ZNF568: variants seen among roughly 807,000 people sequenced by gnomAD.
ZNF568 encodes the protein p53 inhibitor of SCO2 activation.
A neutral mutation model predicts 18.1 loss-of-function variants in ZNF568; 11 were observed. The ratio of observed to expected loss-of-function variants is 0.61; its 90% CI spans 0.38 to 1.00. The LOEUF (loss-of-function observed/expected upper bound fraction) is 1.00, where lower values mean the gene tolerates loss of function less well. ZNF568 is among the 50% of genes least tolerant of loss of function. ZNF568 has a pLI of 0.01. For synonymous variants in ZNF568, 213 were observed against 246.6 expected (o/e 0.86, Z 1.28); for missense variants, 639 against 768.2 (o/e 0.83, Z 1.99).
At chr19:36,978,521 C>T (rs16971873) in intron 7 of ZNF568, among the ~76,000 whole-genome samples, 50,909 of 151,902 alleles carry the variant, frequency 0.34, 8,757 homozygotes, top group Non-Finnish European at 0.36. Context: ...AATTCTGTTC[C>T]TTTTCTAAGT....
At chr19:36,948,590 A>G (rs2074002358) in intron 6 of ZNF568, among the ~76,000 whole-genome samples, 1 of 148,910 alleles carries the variant, frequency 6.7e-6, no homozygotes, top group African/African-American at 2.5e-5. Flanking sequence ...AATGAGTGAG[A>G]GGTCCTATTG....
At chr19:36,984,783 A>G (rs2074361832), downstream of ZNF568, among the ~76,000 whole-genome samples, 1 of 151,714 alleles carries the variant, frequency 6.6e-6, no homozygotes, top group East Asian at 1.9e-4. Context: ...CATTTTTGTT[A>G]TTAAATAGTC....
chr19:36,971,678 A>C (rs1404910075), intron 6 of ZNF568, among the ~76,000 whole-genome samples: 1 of 152,124 alleles, frequency 6.6e-6, no homozygotes, highest in Non-Finnish European at 1.5e-5. Flanking sequence ...AGCTGGGACT[A>C]CAGGTGCACA....
Position 36,949,733 on chromosome 19 carries a change from T to G in ZNF568, c.580T>G (p.Tyr194Asp). 1 of 1,613,998 alleles carries G rather than the reference T, an allele frequency of 6.2e-7. No individual in the cohort carries two copies. The highest frequency in any genetic ancestry group is 8.5e-7 in the Non-Finnish European group (1 of 1,179,902). ...GGAACATAATTTAGACTTACTTAGA[T>G]ATGAGAAAGGCTGTGTAAGAGAGAA... Reference protein sequence around the residue: ...GLEHNLDLLRYEKGCVREKQS... With the variant: ...GLEHNLDLLRDEKGCVREKQS... Residue 194 changes from tyrosine (Y) to aspartate (D), a missense_variant, in exon 7 of 7, where the codon TAT becomes GAT. Tyr to Asp is a radical substitution (Grantham distance 160). Transcript: ENST00000333987.
chr19:36,951,223 A>T lies in ZNF568; in HGVS notation c.*135A>T, dbSNP rs2074055566. On this transcript the variant is annotated 3_prime_UTR_variant, in exon 7 of 7. Coordinates refer to ENST00000333987, the MANE Select transcript of ZNF568 (RefSeq NM_198539.4). ...GTAAGACTGGAATAAATGGAAAGAA[A>T]TACCATATACATAGATGGAAAAACC... is the stretch of plus-strand genomic sequence containing the variant. 1 of 815,870 alleles carries T rather than the reference A, an allele frequency of 1.2e-6. No homozygotes were observed. The highest frequency in any genetic ancestry group is 1.7e-6 in the Non-Finnish European group (1 of 578,070). The allele number at this position is 815,870 out of a possible 1,614,324, so 50.5% of individuals were successfully genotyped here. A position where few individuals can be genotyped will look rare whatever the true frequency, so the allele number is the denominator to read the frequency against.
chr19:36,939,775 G>A (rs544333711), intron 6 of ZNF568, among the ~76,000 whole-genome samples: 2 of 152,046 alleles, frequency 1.3e-5, no homozygotes, highest in East Asian at 1.9e-4. Context: ...TCCTGACCTC[G>A]TGATCCGCCC....
At chr19:36,948,963 T>C (rs1231428660) in intron 6 of ZNF568, among the ~76,000 whole-genome samples, 1 of 152,180 alleles carries the variant, frequency 6.6e-6, no homozygotes, top group Non-Finnish European at 1.5e-5. Context: ...TTCATGATAC[T>C]TTGTAGCTTT....
intron 4 of ZNF568, among the ~76,000 whole-genome samples, chr19:36,995,250 T>C (rs910541884): frequency 6.6e-6 from 1 of 152,022 alleles, no homozygotes; most frequent in Admixed American, 6.6e-5. Context: ...ATACAAAAAA[T>C]TAGCCAAGCA....
intron 7 of ZNF568, among the ~76,000 whole-genome samples, chr19:36,977,943 A>G (rs1229947001): frequency 1.3e-5 from 2 of 152,096 alleles, no homozygotes; most frequent in African/African-American, 4.8e-5. Flanking sequence ...CCCAGCTCCT[A>G]CCTTCTGGTC....
chr19:36,978,207 A>G (rs192578445), intron 7 of ZNF568, among the ~76,000 whole-genome samples: 1 of 152,328 alleles, frequency 6.6e-6, no homozygotes, highest in African/African-American at 2.4e-5. Flanking sequence ...TTCATTGCAT[A>G]TTTACTAAAA....
At chr19:36,960,277 C>G (rs1276127217) in intron 6 of ZNF568, among the ~76,000 whole-genome samples, 3 of 151,236 alleles carry the variant, frequency 2.0e-5, no homozygotes, top group Non-Finnish European at 4.4e-5. Context: ...ACCACCATGC[C>G]CAGCTAATGT....
At chr19:36,959,880 G>C (rs1003936779) in intron 6 of ZNF568, among the ~76,000 whole-genome samples, 9 of 151,610 alleles carry the variant, frequency 5.9e-5, no homozygotes, top group African/African-American at 2.2e-4. Context: ...TGCTTATTTG[G>C]GTATTCTCTC....
Position 36,936,878 on chromosome 19 carries a change from G to A in ZNF568, c.262+6G>A, listed in dbSNP as rs377256595. On this transcript the variant is annotated splice_donor_region_variant and intron_variant, in intron 5 of 6. Coordinates refer to ENST00000333987, the MANE Select transcript of ZNF568 (RefSeq NM_198539.4). The stretch of plus-strand genomic sequence containing the variant: ...CAGCAACCTAGTCACAGTGGGTAAG[G>A]TGGCTTGGTAGCCTTGCAATTTAAC... The A allele has an allele frequency of 1.9e-6, 3 of 1,611,874 alleles. No individual in the cohort carries two copies. Among genetic ancestry groups the A allele is most frequent in the South Asian group, 1.1e-5 (1 of 90,964 alleles).
At chr19:36,946,949 G>GT (rs537334135) in intron 6 of ZNF568, among the ~76,000 whole-genome samples, 3 of 151,108 alleles carry the variant, frequency 2.0e-5, no homozygotes, top group East Asian at 2.0e-4. Context: ...CCCTGCCTGT[G>GT]TTTTTTTTAA....
chr19:36,997,091 G>GCCTT lies in ZNF568; in HGVS notation c.1006_1009dup (p.His337ProfsTer9). 1 of 1,564,766 alleles carries GCCTT rather than the reference G, an allele frequency of 6.4e-7. No homozygotes were observed. The highest frequency in any genetic ancestry group is 8.6e-7 in the Non-Finnish European group (1 of 1,160,202). Reference sequence around the variant, plus strand: ...GCTTTTCGTTATGACACACAGCTGAGCCTTCATCAGATAATCCATACTGGT... The same window carrying GCCTT: ...GCTTTTCGTTATGACACACAGCTGAGCCTTCCTTCATCAGATAATCCATACTGGT... On this transcript the variant is annotated frameshift_variant, in exon 5 of 5. Transcript: ENST00000433993. LOFTEE classifies it low-confidence loss of function (END_TRUNC).
chr19:36,970,316 C>A (rs1026394058), intron 6 of ZNF568, among the ~76,000 whole-genome samples: 1 of 124,662 alleles, frequency 8.0e-6, no homozygotes, highest in Admixed American at 8.1e-5. Context: ...TAATACTTTT[C>A]TTTTGGCCTG....
chr19:36,964,495 G>A (rs1163408126), intron 6 of ZNF568, among the ~76,000 whole-genome samples: 1 of 152,136 alleles, frequency 6.6e-6, no homozygotes, highest in African/African-American at 2.4e-5. Flanking sequence ...TGAGGCATCT[G>A]AGCCTATCTG....
Position 36,950,028 on chromosome 19 carries a change from A to G in ZNF568, c.875A>G (p.Asn292Ser). 2 of 1,613,758 alleles carry G rather than the reference A, an allele frequency of 1.2e-6. No homozygotes were observed. Among genetic ancestry groups the G allele is most frequent in the Non-Finnish European group, 8.5e-7 (1 of 1,179,882 alleles). Residue 292 changes from asparagine (N) to serine (S), a missense_variant, in exon 7 of 7, where the codon AAC (asparagine) becomes AGC (serine). Asn to Ser is a conservative substitution (Grantham distance 46). Coordinates refer to ENST00000333987, the MANE Select transcript of ZNF568 (RefSeq NM_198539.4). ...GGAAAAGCTTTCATTCAGATGTCAA[A>G]CCTTATTAGACACCACAGAATTCAT... is the stretch of plus-strand genomic sequence containing the variant. Reference protein sequence around the residue: ...ECGKAFIQMSNLIRHHRIHTG... With the variant: ...ECGKAFIQMSSLIRHHRIHTG...
At chr19:36,989,526 G>T (rs2074406016) in intron 2 of ZNF568, among the ~76,000 whole-genome samples, 1 of 152,118 alleles carries the variant, frequency 6.6e-6, no homozygotes, top group East Asian at 1.9e-4. Flanking sequence ...TCCAAGAAGT[G>T]TTTAGGTATT....
Sources: gnomAD v4.1 joint callset for allele counts (sites outside exome capture counted in the v4.1 genomes callset) on GRCh38, gnomAD v4.1.1 for gene constraint, MANE v1.5 for transcripts, NCBI Gene and HGNC (gene_info 2026-07-23, HGNC 2026-07-21) for gene names.